Variants in LPGAT1 observed in about 807,000 individuals in gnomAD.
The protein encoded by LPGAT1 is lysophosphatidylglycerol acyltransferase 1, also known as acyl-CoA:lysophosphatidylglycerol acyltransferase 1.
A neutral mutation model predicts 47.5 loss-of-function variants in LPGAT1; 11 were observed. The observed-to-expected ratio is 0.23, with a 90% CI of 0.15 to 0.38. The LOEUF (loss-of-function observed/expected upper bound fraction) is 0.38, where lower values mean the gene tolerates loss of function less well. Ranked by LOEUF, LPGAT1 falls within the 10% of genes least tolerant of loss-of-function variation. LPGAT1 has a pLI of 1.00. For missense variants in LPGAT1, 293 were observed against 439.0 expected (o/e 0.67, Z 2.97); for synonymous variants, 138 against 144.2 (o/e 0.96, Z 0.31).
intron 6 of LPGAT1, among the ~76,000 whole-genome samples, chr1:211,755,040 C>CA (rs11390656): frequency 0.42 from 31,337 of 74,400 alleles, 6,239 homozygotes; most frequent in East Asian, 0.76. Flanking sequence ...ACTCCGTCTC[C>CA]AAAAAAAAAA....
At chr1:211,829,731 G>A (rs1048752758) in intron 1 of LPGAT1, 1 of 1,013,104 alleles carries the variant, frequency 9.9e-7, no homozygotes, top group African/African-American at 1.7e-5. Context: ...CCCTCAATAA[G>A]ATTTCCCAGA....
intron 6 of LPGAT1, 126 bp from the exon 7 acceptor site, chr1:211,751,193 G>A (rs576081738): frequency 3.2e-6 from 2 of 625,582 alleles, no homozygotes; most frequent in East Asian, 5.7e-5. Context: ...ACAAGGGTTG[G>A]TTTCTTCAGC....
At position 211,750,823 on chromosome 1, in the gene LPGAT1, T is replaced by C. The variant is rs1028658589; in HGVS notation, c.961+138A>G. The C allele has an allele frequency of 6.4e-6, 4 of 622,198 alleles. No homozygotes were observed. In the African/African-American group the frequency reaches 7.4e-5, roughly 12 times the overall value. The allele number at this position is 622,198 out of a possible 1,614,324, so 38.5% of individuals were successfully genotyped here. On this transcript the variant is annotated intron_variant, in intron 7 of 7. Transcript: ENST00000366997. ...ATAATCCCCAGGGTAAGCTGATTCATGAGGGGATTTGCTTCTCACAGGCAA... is the reference window on the plus strand; with the variant it reads ...ATAATCCCCAGGGTAAGCTGATTCACGAGGGGATTTGCTTCTCACAGGCAA...
At chr1:211,781,245 A>T (rs1200981738) in intron 5 of LPGAT1, among the ~76,000 whole-genome samples, 1 of 152,236 alleles carries the variant, frequency 6.6e-6, no homozygotes, top group Non-Finnish European at 1.5e-5. Flanking sequence ...TTTAGTTATA[A>T]ACTAGTTCTC....
chr1:211,759,694 C>T (rs891483476), intron 6 of LPGAT1, among the ~76,000 whole-genome samples: 6 of 152,176 alleles, frequency 3.9e-5, no homozygotes, highest in Non-Finnish European at 8.8e-5. Context: ...CATCTCACAA[C>T]TTTTGATAGA....
At chr1:211,798,625 G>A (rs558850626) in intron 2 of LPGAT1, among the ~76,000 whole-genome samples, 1 of 152,162 alleles carries the variant, frequency 6.6e-6, no homozygotes, top group Non-Finnish European at 1.5e-5. Context: ...CAAGGCTGTA[G>A]TGAGCTGTGA....
At chr1:211,779,543 T>C (rs1658549287) in intron 5 of LPGAT1, among the ~76,000 whole-genome samples, 1 of 152,184 alleles carries the variant, frequency 6.6e-6, no homozygotes, top group South Asian at 2.1e-4. Flanking sequence ...ACACATTTTG[T>C]TGCTGCTCTT....
At position 211,829,929 on chromosome 1, in the gene LPGAT1, G is replaced by T. The variant is rs1015683613; in HGVS notation, c.-27-606C>A. ...AAAAAAGCTTACAAGGTGAGAGGAA[G>T]AAAGTAGGGGGTTATAATGCGAAAA... On this transcript the variant is annotated intron_variant, in intron 1 of 7. Coordinates refer to ENST00000366997, the MANE Select transcript of LPGAT1 (RefSeq NM_014873.3). 6 of 984,974 alleles carry T rather than the reference G, an allele frequency of 6.1e-6. No individual in the cohort carries two copies. The African/African-American group carries it at 1.1e-4, about 17-fold the overall frequency. The allele number at this position is 984,974 out of a possible 1,614,324, so 61.0% of individuals were successfully genotyped here.
chr1:211,802,603 CT>C (rs1659618059), intron 2 of LPGAT1, among the ~76,000 whole-genome samples: 2 of 151,948 alleles, frequency 1.3e-5, no homozygotes. Flanking sequence ...TTGAGATAAT[CT>C]TCCAAACACG....
At chr1:211,798,245 C>G (rs3738197) in intron 2 of LPGAT1, among the ~76,000 whole-genome samples, 2 of 151,992 alleles carry the variant, frequency 1.3e-5, no homozygotes, top group South Asian at 4.1e-4. Flanking sequence ...ATTAATGCTA[C>G]GTAAACATGT....
At chr1:211,753,170 C>T (rs1447107501) in intron 6 of LPGAT1, among the ~76,000 whole-genome samples, 1 of 152,180 alleles carries the variant, frequency 6.6e-6, no homozygotes, top group Non-Finnish European at 1.5e-5. Context: ...TGGTGAGTCC[C>T]TGCACTCCTA....
intron 6 of LPGAT1, among the ~76,000 whole-genome samples, chr1:211,769,354 G>C (rs1658067649): frequency 6.6e-6 from 1 of 152,178 alleles, no homozygotes; most frequent in Non-Finnish European, 1.5e-5. Context: ...CTAAGTGACA[G>C]GAAGGATGGA....
In LPGAT1 at chr1:211,746,166, A is replaced by G. The variant is rs1332777919; in HGVS notation, c.*3733T>C. 1 of 152,674 alleles carries G rather than the reference A, an allele frequency of 6.5e-6. No homozygotes were observed. Among genetic ancestry groups the G allele is most frequent in the Non-Finnish European group, 1.5e-5 (1 of 68,042 alleles). The allele number at this position is 152,674 out of a possible 1,614,324, so 9.5% of individuals were successfully genotyped here. The stretch of plus-strand genomic sequence containing the variant: ...GTCTTTAAGGAAGTGATTGTCAAAA[A>G]ACACTCAGACAAATCCACAAGAAGT... On this transcript the variant is annotated 3_prime_UTR_variant, in exon 8 of 8. Transcript: ENST00000366997.
intron 2 of LPGAT1, among the ~76,000 whole-genome samples, chr1:211,803,294 GAGAA>G (rs1402291913): frequency 6.6e-6 from 1 of 152,138 alleles, no homozygotes; most frequent in African/African-American, 2.4e-5. Flanking sequence ...AACCAAGAAA[GAGAA>G]AGACATGTGA....
At chr1:211,818,290 A>G (rs1358215045) in intron 2 of LPGAT1, among the ~76,000 whole-genome samples, 1 of 152,186 alleles carries the variant, frequency 6.6e-6, no homozygotes, top group African/African-American at 2.4e-5. Context: ...AAGTATCCTT[A>G]ATAAGTAAAG....
intron 6 of LPGAT1, among the ~76,000 whole-genome samples, chr1:211,758,530 C>T (rs910292239): frequency 1.2e-4 from 19 of 152,074 alleles, no homozygotes; most frequent in Middle Eastern, 3.4e-3. Context: ...GGTGAAACCC[C>T]ATCTCTACTA....
intron 2 of LPGAT1, among the ~76,000 whole-genome samples, chr1:211,818,065 C>T (rs1660241535): frequency 6.6e-6 from 1 of 152,096 alleles, no homozygotes; most frequent in Admixed American, 6.6e-5. Context: ...AAACTCCTGA[C>T]CTCAAGTGAT....
In LPGAT1 at chr1:211,829,249, C is replaced by T; in HGVS notation, c.48G>A (p.Val16=). Residue 16 remains valine (V), a synonymous_variant, in exon 2 of 8, where the codon GTG becomes GTA. Coordinates refer to ENST00000366997, the MANE Select transcript of LPGAT1 (RefSeq NM_014873.3). ...TGAAGGCAAACCTCATCAGTGCTTT[C>T]ACCAAGAGCCAGCCCAGCCACGGAG... The part of the protein sequence containing the change: ...EEAPWLGWLL[V]KALMRFAFMV... The T allele has an allele frequency of 1.9e-6, 3 of 1,614,212 alleles. No homozygotes were observed. Among genetic ancestry groups the T allele is most frequent in the Non-Finnish European group, 8.5e-7 (1 of 1,180,044 alleles).
At chr1:211,787,385 G>A (rs1198349907) in intron 4 of LPGAT1, among the ~76,000 whole-genome samples, 2 of 151,770 alleles carry the variant, frequency 1.3e-5, no homozygotes, top group Non-Finnish European at 2.9e-5. Flanking sequence ...CTACTCCAAA[G>A]GCTGAGGCAT....
Sources: gnomAD v4.1 joint callset for allele counts (sites outside exome capture counted in the v4.1 genomes callset) on GRCh38, gnomAD v4.1.1 for gene constraint, MANE v1.5 for transcripts, NCBI Gene and HGNC (gene_info 2026-07-23, HGNC 2026-07-21) for gene names.